TRAPPC9: variants seen among roughly 807,000 people sequenced by gnomAD.
The protein encoded by TRAPPC9 is IKK2 binding protein.
Under a neutral mutation model 124.0 loss-of-function variants are expected in TRAPPC9, and 83 were observed. The observed-to-expected ratio is 0.67, with a 90% CI of 0.56 to 0.80. The LOEUF (loss-of-function observed/expected upper bound fraction) is 0.80, where lower values mean the gene tolerates loss of function less well. Among genes scored for constraint, TRAPPC9 ranks in the 30% least tolerant of loss-of-function variants. TRAPPC9 has a pLI of 0.00. For synonymous variants in TRAPPC9, 638 were observed against 617.5 expected (o/e 1.03, Z -0.49); for missense variants, 1,302 against 1,508.3 (o/e 0.86, Z 2.27).
chr8:139,793,153 T>C lies in TRAPPC9; in HGVS notation c.3056-60951A>G, dbSNP rs540686052. Among the ~76,000 whole-genome samples the C allele has an allele frequency of 2.6e-5, 4 of 152,218 alleles. No homozygotes were observed. The South Asian group carries it at 8.3e-4, about 32-fold the overall frequency. On this transcript the variant is annotated intron_variant, in intron 21 of 22. Transcript: ENST00000438773. The stretch of plus-strand genomic sequence containing the variant: ...CATGCACTGGGCAAGGTGCTTCATC[T>C]CTCGGAGCCTACATTTCTTCTTGGA...
chr8:139,993,534 G>A (rs1837773797), intron 18 of TRAPPC9, among the ~76,000 whole-genome samples: 1 of 152,228 alleles, frequency 6.6e-6, no homozygotes, highest in African/African-American at 2.4e-5. Context: ...TCCATTTGTA[G>A]CTGCCTATCT....
chr8:140,166,192 G>A (rs969182299), intron 17 of TRAPPC9, among the ~76,000 whole-genome samples: 1 of 152,204 alleles, frequency 6.6e-6, no homozygotes, highest in African/African-American at 2.4e-5. Flanking sequence ...AATAACGCAT[G>A]CCCATCAGGT....
chr8:139,935,446 A>C (rs1166385066), intron 19 of TRAPPC9, among the ~76,000 whole-genome samples: 1 of 152,190 alleles, frequency 6.6e-6, no homozygotes, highest in Non-Finnish European at 1.5e-5. Context: ...ACAGGAATTC[A>C]ATGAGAGAGA....
chr8:140,204,689 C>A (rs2062879865), intron 17 of TRAPPC9, among the ~76,000 whole-genome samples: 1 of 152,224 alleles, frequency 6.6e-6, no homozygotes. Context: ...ACCAGCTCCC[C>A]CTTTGCCTTC....
intron 21 of TRAPPC9, among the ~76,000 whole-genome samples, chr8:139,787,300 G>A (rs536060088): frequency 7.0e-4 from 106 of 152,230 alleles, no homozygotes; most frequent in Admixed American, 2.4e-3. Flanking sequence ...TAGCCTGAGC[G>A]GGGAGGGGTG....
chr8:139,973,940 G>T (rs1278529918), intron 19 of TRAPPC9, among the ~76,000 whole-genome samples: 1 of 152,180 alleles, frequency 6.6e-6, no homozygotes, highest in Non-Finnish European at 1.5e-5. Flanking sequence ...AGGGAGAAAT[G>T]ATCTATAAGG....
intron 10 of TRAPPC9, among the ~76,000 whole-genome samples, chr8:140,308,844 G>A (rs889052825): frequency 2.0e-5 from 3 of 151,534 alleles, no homozygotes; most frequent in Non-Finnish European, 4.4e-5. Context: ...TCGTACCACT[G>A]CACTCCAGCC....
intron 19 of TRAPPC9, chr8:139,933,339 G>A (rs775887900): frequency 6.6e-5 from 10 of 152,356 alleles, no homozygotes; most frequent in Admixed American, 1.3e-4. Context: ...TACATTATAC[G>A]CAGTGCTGAT....
At chr8:139,917,796 C>T (rs904206020) in intron 19 of TRAPPC9, among the ~76,000 whole-genome samples, 1 of 152,232 alleles carries the variant, frequency 6.6e-6, no homozygotes, top group Non-Finnish European at 1.5e-5. Flanking sequence ...CTGTGGTAAG[C>T]GTTGACTGAA....
At chr8:140,199,777 A>G (rs1339388944) in intron 17 of TRAPPC9, among the ~76,000 whole-genome samples, 5 of 152,158 alleles carry the variant, frequency 3.3e-5, no homozygotes, top group African/African-American at 1.2e-4. Flanking sequence ...TACATCCCCA[A>G]TAGGCACATT....
chr8:140,029,577 G>A (rs751505707), intron 17 of TRAPPC9, among the ~76,000 whole-genome samples: 5 of 151,688 alleles, frequency 3.3e-5, no homozygotes, highest in Non-Finnish European at 2.9e-5. Flanking sequence ...CCAGTCTATC[G>A]TTGTTGGACA....
At chr8:139,911,620 G>T (rs1176308732) in intron 19 of TRAPPC9, among the ~76,000 whole-genome samples, 1 of 151,950 alleles carries the variant, frequency 6.6e-6, no homozygotes, top group Admixed American at 6.5e-5. Context: ...CAGGAGAATT[G>T]CCTGAACCAA....
chr8:140,118,639 T>C (rs1188577421), intron 17 of TRAPPC9, among the ~76,000 whole-genome samples: 1 of 151,986 alleles, frequency 6.6e-6, no homozygotes, highest in Non-Finnish European at 1.5e-5. Context: ...CACCTGCGGG[T>C]CTGGAGTTGG....
Position 139,988,828 on chromosome 8 carries a change from T to C in TRAPPC9, c.2708A>G (p.Gln903Arg), listed in dbSNP as rs1346647029. The C allele has an allele frequency of 6.5e-7, 1 of 1,548,476 alleles. No individual in the cohort carries two copies. The highest frequency in any genetic ancestry group is 8.7e-7 in the Non-Finnish European group (1 of 1,144,286). Residue 903 changes from glutamine to arginine, a missense_variant, in exon 19 of 23, where the codon CAG becomes CGG. Gln to Arg is a conservative substitution (Grantham distance 43, BLOSUM62 1). This residue lies in a region of TRAPPC9 where 640 missense variants were observed against 679.3 expected (regional missense o/e 0.94). Coordinates refer to ENST00000438773, the MANE Select transcript of TRAPPC9 (RefSeq NM_001160372.4). ...VSTLPATSTRQCHLLLDVFNS... is the reference protein window; with the variant it reads ...VSTLPATSTRRCHLLLDVFNS... ...GAAGACATCCAGGAGCAGGTGACAC[T>C]GCCGGGTACTGCGTTAAAGAAAAAA...
At chr8:140,272,462 GTAGTGA>G (rs2064979694) in intron 15 of TRAPPC9, among the ~76,000 whole-genome samples, 1 of 151,726 alleles carries the variant, frequency 6.6e-6, no homozygotes, top group Non-Finnish European at 1.5e-5. Context: ...GATGGCAGTG[GTAGTGA>G]TGGTGATGGT....
chr8:140,236,269 G>C (rs2063729871), intron 16 of TRAPPC9, among the ~76,000 whole-genome samples: 1 of 152,074 alleles, frequency 6.6e-6, no homozygotes, highest in South Asian at 2.1e-4. Context: ...TTTTAGCAGA[G>C]ATGGGGATTC....
intron 17 of TRAPPC9, among the ~76,000 whole-genome samples, chr8:140,083,182 G>C (rs968657182): frequency 7.3e-6 from 1 of 136,742 alleles, no homozygotes; most frequent in East Asian, 2.3e-4. Flanking sequence ...GACAGAATGA[G>C]ACTCCATCTC....
chr8:140,160,580 G>A (rs1452670333), intron 17 of TRAPPC9, among the ~76,000 whole-genome samples: 1 of 151,008 alleles, frequency 6.6e-6, no homozygotes. Flanking sequence ...TCACTCATAG[G>A]TGGGAATTGA....
chr8:140,099,390 A>C (rs1459018727), intron 17 of TRAPPC9: 1 of 151,248 alleles, frequency 6.6e-6, no homozygotes, highest in Non-Finnish European at 1.5e-5. Context: ...CAGGGGAGAC[A>C]GGTCTCAGCG....
Sources: gnomAD v4.1 joint callset for allele counts (sites outside exome capture counted in the v4.1 genomes callset) on GRCh38, gnomAD v4.1.1 for gene constraint, gnomAD v4.1.1 regional missense constraint, MANE v1.5 for transcripts, NCBI Gene and HGNC (gene_info 2026-07-23, HGNC 2026-07-21) for gene names.